Variants in CAPN2 observed in about 807,000 individuals in gnomAD.
CAPN2 encodes calpain-2 catalytic subunit.
A neutral mutation model predicts 102.3 loss-of-function variants in CAPN2; 92 were observed. That is an observed-to-expected ratio of 0.90 (90% CI 0.76 to 1.07). The LOEUF is 1.07. Ranked by LOEUF, CAPN2 falls within the 50% of genes least tolerant of loss-of-function variation. The pLI, the probability that CAPN2 is intolerant of heterozygous loss-of-function variation, is 0.00. For missense variants in CAPN2, 800 were observed against 909.4 expected (o/e 0.88, Z 1.55); for synonymous variants, 340 against 355.4 (o/e 0.96, Z 0.49).
chr1:223,740,866 A>G (rs554460418), intron 2 of CAPN2, among the ~76,000 whole-genome samples: 37 of 152,286 alleles, frequency 2.4e-4, no homozygotes, highest in Non-Finnish European at 3.8e-4. Context: ...TTCGAATTCA[A>G]TTAGGTGAAT....
At chr1:223,709,696 C>A (rs368247069), upstream of CAPN2, among the ~76,000 whole-genome samples, 1 of 149,448 alleles carries the variant, frequency 6.7e-6, no homozygotes, top group Non-Finnish European at 1.5e-5. Flanking sequence ...CTTGATTAAA[C>A]GAGGCAATCT....
chr1:223,707,333 G>T (rs1659634053), intron 1 of CAPN2, among the ~76,000 whole-genome samples: 1 of 151,808 alleles, frequency 6.6e-6, no homozygotes, highest in East Asian at 1.9e-4. Context: ...CCAGACCCAG[G>T]CAGTTCTGGA....
intron 11 of CAPN2, 22 bp downstream of exon 11, chr1:223,757,402 G>A: frequency 1.2e-6 from 2 of 1,614,072 alleles, no homozygotes; most frequent in South Asian, 1.1e-5. Flanking sequence ...CCATGTCCCG[G>A]GGTGCTCAGG....
At chr1:223,723,443 C>T (rs905376575) in intron 2 of CAPN2, among the ~76,000 whole-genome samples, 4 of 152,164 alleles carry the variant, frequency 2.6e-5, no homozygotes, top group African/African-American at 9.7e-5. Context: ...ATGATCTCTT[C>T]ACCACCAGTC....
Position 223,759,313 on chromosome 1 carries a change from T to C in CAPN2, c.1361T>C (p.Leu454Pro), listed in dbSNP as rs1661124917. The C allele has an allele frequency of 4.3e-6, 7 of 1,614,258 alleles. No homozygotes were observed. The East Asian group carries it at 1.6e-4, about 36-fold the overall frequency. ...TNIHLSKNFF[L>P]TNRARERSDT... ...ATCCACCTCAGCAAAAACTTCTTCC[T>C]GACGAATCGCGCCAGGGAGCGCTCA... Residue 454 changes from leucine to proline, a missense_variant, in exon 12 of 21, where the codon CTG (leucine) becomes CCG (proline). Coordinates refer to ENST00000295006, the MANE Select transcript of CAPN2 (RefSeq NM_001748.5). This position sits in a 1 kb window ranked among gnomAD's most constrained non-coding sequence, Gnocchi z 4.6.
At chr1:223,713,205 T>C (rs938051015) in intron 1 of CAPN2, among the ~76,000 whole-genome samples, 3 of 149,652 alleles carry the variant, frequency 2.0e-5, no homozygotes, top group Non-Finnish European at 2.9e-5. Context: ...GGGTGAAACT[T>C]TGATTGGACT....
At chr1:223,717,677 G>A (rs1571780834) in intron 1 of CAPN2, 85 bp from the exon 2 acceptor site, 1 of 1,033,124 alleles carries the variant, frequency 9.7e-7, no homozygotes, top group Non-Finnish European at 1.5e-6. Flanking sequence ...GAAGGGGTTA[G>A]AAGACCCCAC....
At chr1:223,735,693 G>A (rs943665462) in intron 2 of CAPN2, among the ~76,000 whole-genome samples, 2 of 152,088 alleles carry the variant, frequency 1.3e-5, no homozygotes, top group South Asian at 2.1e-4. Flanking sequence ...GTGCTCCGTG[G>A]AGCCATTTGG....
In CAPN2 at chr1:223,762,232, T is replaced by C. The variant is rs924675582; in HGVS notation, c.1613T>C (p.Phe538Ser). Residue 538 changes from phenylalanine to serine, a missense_variant, in exon 14 of 21, where the codon TTT becomes TCT. Physicochemically the swap from Phe to Ser is radical, Grantham distance 155. Coordinates refer to ENST00000295006, the MANE Select transcript of CAPN2 (RefSeq NM_001748.5). ...ATTGATGATGGATTCAGGAGACTGT[T>C]TGCCCAGTTGGCAGGAGAGGTAAAT... Reference protein sequence around the residue: ...DDIDDGFRRLFAQLAGEDAEI... With the variant: ...DDIDDGFRRLSAQLAGEDAEI... 3 of 1,613,816 alleles carry C rather than the reference T, an allele frequency of 1.9e-6. No homozygotes were observed. The highest frequency in any genetic ancestry group is 2.7e-5 in the African/African-American group (2 of 74,932).
chr1:223,771,995 G>C, intron 19 of CAPN2, 70 bp downstream of exon 19: 1 of 1,212,518 alleles, frequency 8.2e-7, no homozygotes, highest in South Asian at 1.2e-5. Context: ...TTTCACCTCG[G>C]TGAAATCATC....
chr1:223,748,711 C>T (rs1166370999), intron 5 of CAPN2, among the ~76,000 whole-genome samples: 1 of 149,084 alleles, frequency 6.7e-6, no homozygotes, highest in African/African-American at 2.6e-5. Context: ...GGACCCCCTC[C>T]AGCCCTCTCT....
At position 223,745,297 on chromosome 1, in the gene CAPN2, G is replaced by T. The variant is rs773160736; in HGVS notation, c.427-9G>T. ...GCTCCTCCTGCAGCCCACCTCTCTT[G>T]TTCTGCAGTTCTGGCAATACGGCGA... On this transcript the variant is annotated splice_polypyrimidine_tract_variant and intron_variant, in intron 3 of 20. Transcript: ENST00000295006. The T allele has an allele frequency of 3.1e-6, 5 of 1,614,008 alleles. No homozygotes were observed. The South Asian group carries it at 4.4e-5, about 14-fold the overall frequency.
At chr1:223,723,654 C>G (rs1189771213) in intron 2 of CAPN2, among the ~76,000 whole-genome samples, 3 of 152,026 alleles carry the variant, frequency 2.0e-5, no homozygotes, top group South Asian at 4.1e-4. Context: ...CTCTTGCCTT[C>G]GTGCATCTAA....
Position 223,712,739 on chromosome 1 carries a change from G to A in CAPN2, c.99G>A (p.Glu33=). The A allele has an allele frequency of 6.3e-7, 1 of 1,587,358 alleles. No homozygotes were observed. ...TCAAGTACCTCAACCAGGACTACGA[G>A]GCGCTGCGGAACGAGTGCCTGGAGG... ...RAIKYLNQDY[E]ALRNECLEAG... The change falls in exon 1 of 21, where the codon GAG becomes GAA. Residue 33 remains glutamate (E), a synonymous_variant. Coordinates refer to ENST00000295006, the MANE Select transcript of CAPN2 (RefSeq NM_001748.5).
rs1013616001 is a variant in CAPN2 at position 223,712,677 on chromosome 1, G to T, written c.37G>T (p.Glu13Ter). 2 of 1,554,178 alleles carry T rather than the reference G, an allele frequency of 1.3e-6. No homozygotes were observed. Among genetic ancestry groups the T allele is most frequent in the Non-Finnish European group, 1.7e-6 (2 of 1,152,144 alleles). Residue 13 changes from glutamate to a stop codon, truncating the protein, a stop_gained, in exon 1 of 21, where the codon GAG becomes TAG. Transcript: ENST00000295006. LOFTEE classifies it high-confidence loss of function. ...GIAAKLAKDREAAEGLGSHDR... is the reference protein window; with the variant it reads ...GIAAKLAKDR ...CGCGGCCAAGCTGGCGAAGGACCGG[G>T]AGGCGGCCGAGGGGCTGGGCTCCCA...
At position 223,754,827 on chromosome 1, in the gene CAPN2, CA is replaced by C. The variant is rs1314969334; in HGVS notation, c.1136-651del. Among the ~76,000 whole-genome samples the C allele has an allele frequency of 6.6e-6, 1 of 152,114 alleles. No homozygotes were observed. The highest frequency in any genetic ancestry group is 1.5e-5 in the Non-Finnish European group (1 of 68,022). ...GGCTCACCGAGGGGGCGGCGACCGGCAAGTGCAGGGAGCAGATCCCGGAGTC... is the reference window on the plus strand; with the variant it reads ...GGCTCACCGAGGGGGCGGCGACCGGCAGTGCAGGGAGCAGATCCCGGAGTC... On this transcript the variant is annotated intron_variant, in intron 9 of 20. Transcript: ENST00000295006. This position sits in a 1 kb window ranked among gnomAD's most constrained non-coding sequence, Gnocchi z 4.7.
chr1:223,762,198 G>A lies in CAPN2; in HGVS notation c.1579G>A (p.Glu527Lys), dbSNP rs145816861. ...CCTCACCTTCCAGTTCGACATCAGCGAGGATGACATTGATGATGGATTCAG... is the reference window on the plus strand; with the variant it reads ...CCTCACCTTCCAGTTCGACATCAGCAAGGATGACATTGATGATGGATTCAG... Reference protein sequence around the residue: ...EANLEEFDISEDDIDDGFRRL... With the variant: ...EANLEEFDISKDDIDDGFRRL... Residue 527 changes from glutamate (E) to lysine (K), a missense_variant, in exon 14 of 21, where the codon GAG becomes AAG. Transcript: ENST00000295006. 1.5e-4 allele frequency: 238 copies of A among 1,613,740 alleles called. No homozygotes were observed. Among genetic ancestry groups the A allele is most frequent in the Non-Finnish European group, 2.0e-4 (231 of 1,179,864 alleles).
chr1:223,748,938 T>A lies in CAPN2; in HGVS notation c.730-101T>A, dbSNP rs904722529. The stretch of plus-strand genomic sequence containing the variant: ...CCCCAGGCCTCGGCCGCTGCGCTAG[T>A]GCGTCCGGCGGTCCCGCCCGGCAGT... On this transcript the variant is annotated intron_variant, in intron 5 of 20. Coordinates refer to ENST00000295006, the MANE Select transcript of CAPN2 (RefSeq NM_001748.5). The A allele has an allele frequency of 2.9e-5, 31 of 1,080,616 alleles. No homozygotes were observed. In the Admixed American group the frequency reaches 5.7e-4, roughly 20 times the overall value. The allele number at this position is 1,080,616 out of a possible 1,614,324, so 66.9% of individuals were successfully genotyped here.
rs1285632198 is a variant in CAPN2 at position 223,759,917 on chromosome 1, A to G, written c.1529+436A>G. Among the ~76,000 whole-genome samples, 1 of 152,074 alleles carries G rather than the reference A, an allele frequency of 6.6e-6. No individual in the cohort carries two copies. Among genetic ancestry groups the G allele is most frequent in the African/African-American group, 2.4e-5 (1 of 41,420 alleles). On this transcript the variant is annotated intron_variant, in intron 12 of 20. Transcript: ENST00000295006. This position sits in a 1 kb window ranked among gnomAD's most constrained non-coding sequence, Gnocchi z 4.6. ...AACCATCTCAACGGTTCCCACCTCCAGAACCTCTCCCTATTATAGTTGTCA... is the reference window on the plus strand; with the variant it reads ...AACCATCTCAACGGTTCCCACCTCCGGAACCTCTCCCTATTATAGTTGTCA...
Sources: gnomAD v4.1 joint callset for allele counts (sites outside exome capture counted in the v4.1 genomes callset) on GRCh38, gnomAD v4.1.1 for gene constraint, Gnocchi (gnomAD v3.1) non-coding constraint, MANE v1.5 for transcripts, NCBI Gene and HGNC (gene_info 2026-07-23, HGNC 2026-07-21) for gene names.